The following SIGLEC5 variants were observed in gnomAD, a reference collection of about 807,000 sequenced individuals.
SIGLEC5 encodes sialic acid-binding Ig-like lectin 5.
A neutral mutation model predicts 45.9 loss-of-function variants in SIGLEC5; 34 were observed. The ratio of observed to expected loss-of-function variants is 0.74; its 90% CI spans 0.56 to 0.99. The LOEUF is 0.99. Ranked by LOEUF, SIGLEC5 falls within the 50% of genes least tolerant of loss-of-function variation. The probability of loss-of-function intolerance (pLI) is 0.00; values close to 1 mark genes in which losing one functional copy is unlikely to be tolerated. For missense variants in SIGLEC5, 508 were observed against 629.6 expected (o/e 0.81, Z 2.07); for synonymous variants, 203 against 258.6 (o/e 0.79, Z 2.06).
rs887921217 is a variant in SIGLEC5 at position 51,627,487 on chromosome 19, C to G, written c.1257G>C (p.Gln419His). The G allele has an allele frequency of 3.7e-6, 6 of 1,613,894 alleles. No homozygotes were observed. The highest frequency in any genetic ancestry group is 4.2e-6 in the Non-Finnish European group (5 of 1,179,990). Residue 419 changes from glutamine (Q) to histidine (H), a missense_variant, in exon 6 of 9, where the codon CAG becomes CAC. Physicochemically the swap from Gln to His is conservative, Grantham distance 24. Coordinates refer to ENST00000683636, the MANE Select transcript of SIGLEC5 (RefSeq NM_003830.4). Reference sequence around the variant, plus strand: ...CTTGCAGCAGCAGGACAGAGCCGCTCTGGGACCCATAGATGTTCCAGGCCT... The same window carrying G: ...CTTGCAGCAGCAGGACAGAGCCGCTGTGGGACCCATAGATGTTCCAGGCCT... ...SCKAWNIYGSQSGSVLLLQGR... is the reference protein window; with the variant it reads ...SCKAWNIYGSHSGSVLLLQGR...
rs951171098 is a variant in SIGLEC5 at position 51,626,187 on chromosome 19, A to G, written c.1383-74T>C. On this transcript the variant is annotated intron_variant, in intron 7 of 8. Transcript: ENST00000683636. ...TTAGCGGGTTGTCCCATCCCATGCTAAGATGGTGAAAATGACAATGAAGCC... is the reference window on the plus strand; with the variant it reads ...TTAGCGGGTTGTCCCATCCCATGCTGAGATGGTGAAAATGACAATGAAGCC... 20 of 1,209,868 alleles carry G rather than the reference A, an allele frequency of 1.7e-5. No individual in the cohort carries two copies. The African/African-American group carries it at 3.0e-4, about 18-fold the overall frequency. The allele number at this position is 1,209,868 out of a possible 1,614,324, so 74.9% of individuals were successfully genotyped here. A position where few individuals can be genotyped will look rare whatever the true frequency, so the allele number is the denominator to read the frequency against.
Position 51,626,080 on chromosome 19 carries a change from T to A in SIGLEC5, c.1416A>T (p.Arg472Ser). The A allele has an allele frequency of 6.2e-7, 1 of 1,613,942 alleles. No individual in the cohort carries two copies. The highest frequency in any genetic ancestry group is 8.5e-7 in the Non-Finnish European group (1 of 1,180,028). ...VKARRKQAAG[R>S]PEKMDDEDPI... The stretch of plus-strand genomic sequence containing the variant: ...GGTCTTCATCATCCATTTTCTCTGG[T>A]CTCCCAGCTGCTTGCTTCCTGCGGG... The change falls in exon 8 of 9, where the codon AGA becomes AGT. Residue 472 changes from arginine (R) to serine (S), a missense_variant. Transcript: ENST00000683636.
chr19:51,622,298 ATTT>A (rs1364355900), intron 8 of SIGLEC5, among the ~76,000 whole-genome samples: 1 of 142,964 alleles, frequency 7.0e-6, no homozygotes, highest in African/African-American at 2.6e-5. Flanking sequence ...CGCCTGGCTA[ATTT>A]TTTTTTTTTT....
At chr19:51,622,100 T>TTTTTG (rs887968433) in intron 8 of SIGLEC5, among the ~76,000 whole-genome samples, 94 of 152,020 alleles carry the variant, frequency 6.2e-4, no homozygotes, top group African/African-American at 2.2e-3. Context: ...ACCTGATTCT[T>TTTTTG]TTTTGTTTTG....
Position 51,627,556 on chromosome 19 carries a change from C to G in SIGLEC5, c.1188G>C (p.Leu396=). The part of the protein sequence containing the change: ...SSAGPWANSS[L]ILHGGLSSDL... ...CGGAGCTGAGCCCCCCGTGGAGGAT[C>G]AGGGAGCTGTTGGCCCAGGGCCCAG... is the stretch of plus-strand genomic sequence containing the variant. The change falls in exon 6 of 9, where the codon CTG becomes CTC. Residue 396 remains leucine (L), a synonymous_variant. Transcript: ENST00000683636. 6.2e-7 allele frequency: 1 copy of G among 1,614,106 alleles called. No individual in the cohort carries two copies. The highest frequency in any genetic ancestry group is 8.5e-7 in the Non-Finnish European group (1 of 1,180,026).
intron 2 of SIGLEC5, 24 bp downstream of exon 2, chr19:51,629,809 C>T: frequency 7.6e-7 from 1 of 1,314,896 alleles, no homozygotes; most frequent in Non-Finnish European, 1.1e-6. Flanking sequence ...GTCCCAGGGT[C>T]CTCTCCTGGG....
Position 51,627,596 on chromosome 19 carries a change from A to G in SIGLEC5, c.1148T>C (p.Val383Ala), listed in dbSNP as rs572000190. The G allele has an allele frequency of 1.2e-6, 2 of 1,613,856 alleles. No homozygotes were observed. Among genetic ancestry groups the G allele is most frequent in the Admixed American group, 1.7e-5 (1 of 60,014 alleles). Residue 383 changes from valine (V) to alanine (A), a missense_variant, in exon 6 of 9, where the codon GTC (valine) becomes GCC (alanine). Physicochemically the swap from Val to Ala is moderately conservative, Grantham distance 64 (BLOSUM62 0). Transcript: ENST00000683636. ...CCAGGGCCCAGCTGAGCTGGAGTTG[A>G]CCTTGAATGAGCCCTGGCTGCTGTT... ...EGNSSQGSFK[V>A]NSSSAGPWAN...
intron 8 of SIGLEC5, among the ~76,000 whole-genome samples, chr19:51,623,898 ATAT>A (rs1983383526): frequency 6.6e-6 from 1 of 152,122 alleles, no homozygotes; most frequent in Admixed American, 6.5e-5. Context: ...ATAAAATATA[ATAT>A]TATAAGCCGT....
chr19:51,612,733 T>G (rs779489874), intron 8 of SIGLEC5, among the ~76,000 whole-genome samples: 7 of 152,222 alleles, frequency 4.6e-5, no homozygotes, highest in African/African-American at 7.2e-5. Context: ...TGCGCAGATA[T>G]ACTGCAGCAA....
chr19:51,624,109 A>T lies in SIGLEC5; in HGVS notation c.1464+1923T>A, dbSNP rs567876460. Among the ~76,000 whole-genome samples the T allele has an allele frequency of 8.3e-4, 127 of 152,170 alleles. 1 individual carries two copies. The highest frequency in any genetic ancestry group is 3.0e-3 in the African/African-American group (124 of 41,472). ...GGGAGGTGGAGGTTGCAATGAGCCG[A>T]GATCGCACCACTGCACTCCAACCTG... On this transcript the variant is annotated intron_variant, in intron 8 of 8. Transcript: ENST00000683636.
Position 51,611,769 on chromosome 19 carries a change from C to T in SIGLEC5, c.*462G>A, listed in dbSNP as rs531833986. Among the ~76,000 whole-genome samples the T allele has an allele frequency of 5.3e-5, 8 of 152,302 alleles. No homozygotes were observed. The highest frequency in any genetic ancestry group is 7.4e-5 in the Non-Finnish European group (5 of 68,006). On this transcript the variant is annotated 3_prime_UTR_variant, in exon 9 of 9. Coordinates refer to ENST00000683636, the MANE Select transcript of SIGLEC5 (RefSeq NM_003830.4). ...GGGCTGGTCTTTCCTAGGGAGTCTT[C>T]GAAGAGTTTTGGGAAGGGGAGTGAC...
intron 8 of SIGLEC5, among the ~76,000 whole-genome samples, chr19:51,613,463 T>C (rs1982933094): frequency 6.6e-6 from 1 of 152,120 alleles, no homozygotes; most frequent in Admixed American, 6.5e-5. Flanking sequence ...GGCCATAGGC[T>C]GCCTAGGTCA....
chr19:51,624,874 G>T (rs1983420369), intron 8 of SIGLEC5, among the ~76,000 whole-genome samples: 1 of 152,186 alleles, frequency 6.6e-6, no homozygotes, highest in African/African-American at 2.4e-5. Flanking sequence ...TGAGGCAGGA[G>T]AATTGCTTGA....
chr19:51,627,706 A>G lies in SIGLEC5; in HGVS notation c.1038T>C (p.Ala346=), dbSNP rs1485164377. Residue 346 remains alanine (A), a synonymous_variant, in exon 6 of 9, where the codon GCT becomes GCC. Transcript: ENST00000683636. ...QLLGPSCSWE[A]EGLHCRCSFR... ...AGGAGCATCTGCAGTGCAGACCCTC[A>G]GCCTCCCAGGAGCAGGAGGGGCCCA... The G allele has an allele frequency of 3.1e-6, 5 of 1,601,700 alleles. No homozygotes were observed. Among genetic ancestry groups the G allele is most frequent in the South Asian group, 2.2e-5 (2 of 89,972 alleles).
chr19:51,625,447 T>C (rs1420903418), intron 8 of SIGLEC5, among the ~76,000 whole-genome samples: 2 of 152,134 alleles, frequency 1.3e-5, no homozygotes, highest in Non-Finnish European at 2.9e-5. Context: ...GAATGAGAGA[T>C]GGAGGCAGGG....
chr19:51,625,558 G>T (rs1002662472), intron 8 of SIGLEC5, among the ~76,000 whole-genome samples: 12 of 152,304 alleles, frequency 7.9e-5, no homozygotes, highest in African/African-American at 2.9e-4. Flanking sequence ...GGCCGGGCGC[G>T]GTGGCTTACG....
rs1374108184 is a variant in SIGLEC5 at position 51,612,278 on chromosome 19, C to G, written c.1609G>C (p.Glu537Gln). The G allele has an allele frequency of 6.2e-7, 1 of 1,612,336 alleles. No individual in the cohort carries two copies. Among genetic ancestry groups the G allele is most frequent in the African/African-American group, 1.3e-5 (1 of 74,934 alleles). ...EMKSREPKDQ[E>Q]APSTTEYSEI... Reference sequence around the variant, plus strand: ...GAGTACTCCGTGGTGCTTGGGGCCTCCTGGTCCTTAGGCTCCCTCGACTTC... The same window carrying G: ...GAGTACTCCGTGGTGCTTGGGGCCTGCTGGTCCTTAGGCTCCCTCGACTTC... The change falls in exon 9 of 9, where the codon GAG becomes CAG. Residue 537 changes from glutamate (E) to glutamine (Q), a missense_variant. By Grantham distance (29) the Glu-to-Gln change is conservative. Coordinates refer to ENST00000683636, the MANE Select transcript of SIGLEC5 (RefSeq NM_003830.4).
intron 8 of SIGLEC5, among the ~76,000 whole-genome samples, chr19:51,619,131 G>A (rs1983185442): frequency 6.6e-6 from 1 of 152,174 alleles, no homozygotes; most frequent in Non-Finnish European, 1.5e-5. Context: ...CTGGAGTGCA[G>A]TGGCACGATC....
chr19:51,616,028 G>T (rs1037261201), intron 8 of SIGLEC5, among the ~76,000 whole-genome samples: 1 of 152,184 alleles, frequency 6.6e-6, no homozygotes, highest in East Asian at 1.9e-4. Flanking sequence ...TGCCCACCTC[G>T]GCCTCCCAAA....
Sources: gnomAD v4.1 joint callset for allele counts (sites outside exome capture counted in the v4.1 genomes callset) on GRCh38, gnomAD v4.1.1 for gene constraint, MANE v1.5 for transcripts, NCBI Gene and HGNC (gene_info 2026-07-23, HGNC 2026-07-21) for gene names.